The following ROBO2 variants were observed in gnomAD, a reference collection of about 807,000 sequenced individuals.
ROBO2 encodes roundabout guidance receptor 2.
Under a neutral mutation model 160.8 loss-of-function variants are expected in ROBO2, and 53 were observed. That is an observed-to-expected ratio of 0.33 (90% CI 0.26 to 0.41). ROBO2 has a LOEUF of 0.41. ROBO2 is among the 10% of genes least tolerant of loss of function. The pLI is 1.00. For synonymous variants in ROBO2, 664 were observed against 611.7 expected (o/e 1.09, Z -1.26); for missense variants, 1,577 against 1,722.4 (o/e 0.92, Z 1.49).
At chr3:76,272,988 A>ATT (rs1559706840) in intron 2 of ROBO2, among the ~76,000 whole-genome samples, 1 of 89,482 alleles carries the variant, frequency 1.1e-5, no homozygotes, top group African/African-American at 4.6e-5. Context: ...TATAATATAT[A>ATT]ATATATAATT....
At chr3:77,181,913 T>G (rs1479448865) in intron 2 of ROBO2, among the ~76,000 whole-genome samples, 1 of 152,070 alleles carries the variant, frequency 6.6e-6, no homozygotes, top group Non-Finnish European at 1.5e-5. Context: ...TGTTAACATC[T>G]CTCTTACTGG....
chr3:76,514,598 G>GA (rs903811791), intron 2 of ROBO2, among the ~76,000 whole-genome samples: 3 of 151,862 alleles, frequency 2.0e-5, no homozygotes, highest in East Asian at 1.9e-4. Flanking sequence ...CTCTGTTATC[G>GA]AAAAAATCCT....
At chr3:77,410,838 T>C (rs924650048) in intron 2 of ROBO2, among the ~76,000 whole-genome samples, 13 of 145,042 alleles carry the variant, frequency 9.0e-5, no homozygotes, top group African/African-American at 3.3e-4. Flanking sequence ...CTTGTCACTC[T>C]GTCATCCCAG....
At chr3:77,002,680 G>T (rs184400901) in intron 2 of ROBO2, among the ~76,000 whole-genome samples, 1 of 151,910 alleles carries the variant, frequency 6.6e-6, no homozygotes, top group Non-Finnish European at 1.5e-5. Flanking sequence ...TTTCAATTTG[G>T]ATTTTAGTCT....
At chr3:76,492,626 T>C (rs2079898202) in intron 2 of ROBO2, among the ~76,000 whole-genome samples, 1 of 152,202 alleles carries the variant, frequency 6.6e-6, no homozygotes, top group African/African-American at 2.4e-5. Flanking sequence ...TGCTGTCATA[T>C]GGTCAAACTT....
intron 2 of ROBO2, among the ~76,000 whole-genome samples, chr3:76,023,664 AT>A (rs2066644199): frequency 6.6e-6 from 1 of 151,654 alleles, no homozygotes; most frequent in African/African-American, 2.4e-5. Flanking sequence ...AACTATATAT[AT>A]AACCATAACT....
At chr3:77,585,990 C>G (rs1434224455) in intron 16 of ROBO2, among the ~76,000 whole-genome samples, 9 of 152,028 alleles carry the variant, frequency 5.9e-5, no homozygotes, top group African/African-American at 2.2e-4. Flanking sequence ...TTGTACTATG[C>G]CAGACCATGT....
intron 2 of ROBO2, among the ~76,000 whole-genome samples, chr3:76,510,251 G>C (rs1315229667): frequency 6.6e-6 from 1 of 152,136 alleles, no homozygotes; most frequent in Non-Finnish European, 1.5e-5. Context: ...TAAGAAAAAG[G>C]GTAAGCATTT....
intron 2 of ROBO2, among the ~76,000 whole-genome samples, chr3:77,009,498 C>A (rs1176594793): frequency 6.6e-6 from 1 of 152,122 alleles, no homozygotes; most frequent in African/African-American, 2.4e-5. Flanking sequence ...ATGTGCCAAA[C>A]TATTTTGGAA....
At chr3:76,408,483 G>T (rs768122042) in intron 2 of ROBO2, among the ~76,000 whole-genome samples, 1 of 151,970 alleles carries the variant, frequency 6.6e-6, no homozygotes, top group Non-Finnish European at 1.5e-5. Context: ...ATTTAGCTTA[G>T]TATTAACCTT....
intron 2 of ROBO2, among the ~76,000 whole-genome samples, chr3:77,164,376 CCGGGAGGGAGG>C: frequency 3.1e-5 from 3 of 97,898 alleles, no homozygotes; most frequent in Non-Finnish European, 8.5e-5. Context: ...TTTTTACCGT[CCGGGAGGGAGG>C]TGGGGGGTCA....
chr3:75,987,127 A>T (rs2065435830), intron 2 of ROBO2, among the ~76,000 whole-genome samples: 1 of 151,964 alleles, frequency 6.6e-6, no homozygotes, highest in Admixed American at 6.6e-5. Context: ...TGAAAGGCAT[A>T]GTATTTAATG....
At chr3:77,394,728 C>A (rs1475702391) in intron 2 of ROBO2, among the ~76,000 whole-genome samples, 1 of 151,770 alleles carries the variant, frequency 6.6e-6, no homozygotes, top group African/African-American at 2.4e-5. Context: ...AGAATGCCTG[C>A]ATTGTTAATG....
chr3:76,137,703 T>C (rs374640934), intron 2 of ROBO2, among the ~76,000 whole-genome samples: 11 of 152,082 alleles, frequency 7.2e-5, no homozygotes, highest in African/African-American at 2.4e-4. Flanking sequence ...ACAGAATCTT[T>C]ATTATTCTTT....
At chr3:77,261,128 T>C (rs1222910899) in intron 2 of ROBO2, among the ~76,000 whole-genome samples, 1 of 152,180 alleles carries the variant, frequency 6.6e-6, no homozygotes, top group East Asian at 1.9e-4. Context: ...AGCAATTTCC[T>C]TGGACTTCTG....
chr3:76,258,477 G>T (rs191083629), intron 2 of ROBO2, among the ~76,000 whole-genome samples: 1 of 151,786 alleles, frequency 6.6e-6, no homozygotes, highest in South Asian at 2.1e-4. Context: ...AAACTTTTAC[G>T]TAACTTATAA....
At chr3:76,622,191 A>AAGGAAGGAAGG (rs2089152361) in intron 2 of ROBO2, among the ~76,000 whole-genome samples, 2 of 65,894 alleles carry the variant, frequency 3.0e-5, no homozygotes, top group African/African-American at 1.2e-4. Context: ...TAAAAAAAAG[A>AAGGAAGGAAGG]AAGGAAGGAA....
intron 2 of ROBO2, among the ~76,000 whole-genome samples, chr3:75,976,794 A>T (rs554749977): frequency 1.6e-4 from 24 of 151,520 alleles, no homozygotes; most frequent in African/African-American, 5.6e-4. Context: ...GACTCGGAGG[A>T]AATAAAAGGG....
At chr3:76,476,925 C>T (rs1165110687) in intron 2 of ROBO2, among the ~76,000 whole-genome samples, 2 of 152,142 alleles carry the variant, frequency 1.3e-5, no homozygotes, top group African/African-American at 4.8e-5. Context: ...TGAATGGGGC[C>T]GAGTGGCATT....
Sources: allele counts gnomAD v4.1 joint callset (sites outside exome capture counted in the v4.1 genomes callset), GRCh38; gene constraint gnomAD v4.1.1; transcripts MANE v1.5; gene names NCBI Gene and HGNC (gene_info 2026-07-23, HGNC 2026-07-21).